SIK3: variants seen among roughly 807,000 people sequenced by gnomAD.
SIK3 encodes serine/threonine-protein kinase SIK3.
A neutral mutation model predicts 144.2 loss-of-function variants in SIK3; 28 were observed. That is an observed-to-expected ratio of 0.19 (90% CI 0.14 to 0.27). The LOEUF (loss-of-function observed/expected upper bound fraction) is 0.27, where lower values mean the gene tolerates loss of function less well. Among genes scored for constraint, SIK3 ranks in the 10% least tolerant of loss-of-function variants. The probability of loss-of-function intolerance (pLI) is 1.00; values close to 1 mark genes in which losing one functional copy is unlikely to be tolerated. For missense variants in SIK3, 1,319 were observed against 1,776.0 expected (o/e 0.74, Z 4.62); for synonymous variants, 686 against 676.3 (o/e 1.01, Z -0.22).
chr11:117,051,533 G>A (rs1953243858), intron 1 of SIK3, among the ~76,000 whole-genome samples: 1 of 151,434 alleles, frequency 6.6e-6, no homozygotes, highest in African/African-American at 2.4e-5. Context: ...TTTTTTCCTT[G>A]TTTTTTGTTT....
At chr11:116,980,834 G>C (rs1950115095) in intron 1 of SIK3, among the ~76,000 whole-genome samples, 1 of 151,176 alleles carries the variant, frequency 6.6e-6, no homozygotes, top group African/African-American at 2.4e-5. Flanking sequence ...CTGGGCAACA[G>C]AGCAAGACCC....
At chr11:117,073,683 GTA>G (rs1954378526) in intron 1 of SIK3, among the ~76,000 whole-genome samples, 1 of 152,192 alleles carries the variant, frequency 6.6e-6, no homozygotes, top group Admixed American at 6.5e-5. Context: ...TTTCCAAATA[GTA>G]TTAACTATAT....
rs571224234 is a variant in SIK3 at position 116,919,686 on chromosome 11, C to A, written c.616+7533G>T. On this transcript the variant is annotated intron_variant, in intron 4 of 24. Transcript: ENST00000445177. ...CACCTTGCTACTTAATCTTTGGGGACAAGGACATTAAAATTACTTTCGAAT... is the reference window on the plus strand; with the variant it reads ...CACCTTGCTACTTAATCTTTGGGGAAAAGGACATTAAAATTACTTTCGAAT... Among the ~76,000 whole-genome samples the A allele has an allele frequency of 2.0e-5, 3 of 152,298 alleles. No homozygotes were observed. In the South Asian group the frequency reaches 6.2e-4, roughly 32 times the overall value.
intron 1 of SIK3, among the ~76,000 whole-genome samples, chr11:117,002,755 G>T (rs1018514245): frequency 2.6e-5 from 4 of 152,178 alleles, no homozygotes; most frequent in Non-Finnish European, 4.4e-5. Context: ...CTTTTATAGA[G>T]AACATGTAGG....
chr11:117,022,756 G>A (rs1435210564), intron 1 of SIK3, among the ~76,000 whole-genome samples: 1 of 151,666 alleles, frequency 6.6e-6, no homozygotes, highest in Non-Finnish European at 1.5e-5. Flanking sequence ...ATAACCACAC[G>A]GCCTAAATTA....
intron 1 of SIK3, chr11:117,035,978 A>G: frequency 1.3e-6 from 2 of 1,565,346 alleles, no homozygotes; most frequent in Admixed American, 1.7e-5. Flanking sequence ...GGGGCTCTGC[A>G]CCAGGCGTTT....
chr11:116,977,987 G>A (rs928632203), intron 1 of SIK3, among the ~76,000 whole-genome samples: 13 of 152,218 alleles, frequency 8.5e-5, no homozygotes, highest in Non-Finnish European at 1.3e-4. Flanking sequence ...GGGAGGCCGA[G>A]GCGGGTGGAT....
chr11:117,053,451 C>T (rs1185264975), intron 1 of SIK3, among the ~76,000 whole-genome samples: 1 of 151,972 alleles, frequency 6.6e-6, no homozygotes, highest in East Asian at 1.9e-4. Flanking sequence ...TATGCAAGCC[C>T]TTTCAATGCA....
intron 1 of SIK3, among the ~76,000 whole-genome samples, chr11:117,013,991 T>TTTTTTTTTTTTTTTTTTTTTTTTTTA: frequency 8.2e-6 from 1 of 122,318 alleles, no homozygotes; most frequent in Non-Finnish European, 1.8e-5. Flanking sequence ...TTTTTTTTTT[T>TTTTTTTTTTTTTTTTTTTTTTTTTTA]TTTGAGACAG....
intron 6 of SIK3, among the ~76,000 whole-genome samples, chr11:116,892,537 G>C (rs948605547): frequency 1.3e-5 from 2 of 152,288 alleles, no homozygotes; most frequent in South Asian, 4.1e-4. Flanking sequence ...ATACCTATTA[G>C]AGTGGCCAAA....
intron 3 of SIK3, among the ~76,000 whole-genome samples, chr11:116,934,392 T>C (rs1286038421): frequency 1.3e-5 from 2 of 152,206 alleles, no homozygotes; most frequent in African/African-American, 4.8e-5. Context: ...CCTCAATGAA[T>C]TCAAGAGTCT....
intron 1 of SIK3, among the ~76,000 whole-genome samples, chr11:117,081,145 CCTT>C (rs753555535): frequency 8.6e-5 from 13 of 151,380 alleles, no homozygotes; most frequent in Non-Finnish European, 1.6e-4. Flanking sequence ...TGGTATGTTC[CCTT>C]TTTTAATTAA....
rs71037444 is a variant in SIK3, at chr11:117,021,928, CAAAAAAAAAAAAAAAA to C, written c.274-64880_274-64865del. On this transcript the variant is annotated intron_variant, in intron 1 of 24. Transcript: ENST00000445177. ...ATAGCACAGTGAGCCTCTGTCTCTA[CAAAAAAAAAAAAAAAA>C]AAAAAAAAAAAAAAAAACCTAAAAA... Among the ~76,000 whole-genome samples the C allele has an allele frequency of 7.3e-4, 43 of 59,010 alleles. 1 individual carries two copies. In the South Asian group the frequency reaches 0.018, roughly 25 times the overall value. The allele number at this position is 59,010 out of a possible 152,430, so 38.7% of individuals were successfully genotyped here.
At chr11:116,915,366 C>A (rs982444457) in intron 4 of SIK3, among the ~76,000 whole-genome samples, 3 of 152,124 alleles carry the variant, frequency 2.0e-5, no homozygotes, top group African/African-American at 7.2e-5. Flanking sequence ...GAATACTTTT[C>A]ATGACCTAGG....
intron 12 of SIK3, 71 bp from the exon 13 acceptor site, chr11:116,873,707 C>T: frequency 6.6e-7 from 1 of 1,507,640 alleles, no homozygotes; most frequent in Non-Finnish European, 8.9e-7. Flanking sequence ...GCAAGCCACT[C>T]ATCTATGGAA....
chr11:116,854,392 T>C (rs539456636), intron 21 of SIK3, among the ~76,000 whole-genome samples: 53 of 152,336 alleles, frequency 3.5e-4, no homozygotes, highest in Non-Finnish European at 6.5e-4. Flanking sequence ...CAACAATCCC[T>C]GTTCATCTAC....
At position 116,876,379 on chromosome 11, in the gene SIK3, G is replaced by C. The variant is rs997974860; in HGVS notation, c.985-16C>G. The C allele has an allele frequency of 9.4e-6, 15 of 1,599,884 alleles. No individual in the cohort carries two copies. The highest frequency in any genetic ancestry group is 1.7e-4 in the Middle Eastern group (1 of 6,056). The stretch of plus-strand genomic sequence containing the variant: ...CAGCTATTAACTGTAACATAAAAAG[G>C]AGGAAGCTGTCAACCCCCCAATTAA... On this transcript the variant is annotated splice_polypyrimidine_tract_variant and intron_variant, in intron 7 of 24. Transcript: ENST00000445177.
chr11:117,079,723 A>C (rs1954701206), intron 1 of SIK3, among the ~76,000 whole-genome samples: 1 of 152,122 alleles, frequency 6.6e-6, no homozygotes, highest in South Asian at 2.1e-4. Context: ...TAGAATTTTA[A>C]AAAGCAAGCC....
chr11:117,094,927 C>A (rs1363755495), intron 1 of SIK3, among the ~76,000 whole-genome samples: 1 of 152,040 alleles, frequency 6.6e-6, no homozygotes, highest in Non-Finnish European at 1.5e-5. Context: ...TTCTGCAGTG[C>A]CGCTCTAAGC....
Sources: allele counts gnomAD v4.1 joint callset (sites outside exome capture counted in the v4.1 genomes callset), GRCh38; gene constraint gnomAD v4.1.1; transcripts MANE v1.5; gene names NCBI Gene and HGNC (gene_info 2026-07-23, HGNC 2026-07-21).